LRRC4B: variants seen among roughly 807,000 people sequenced by gnomAD.
LRRC4B encodes leucine rich repeat containing 4B, also known as leucine-rich repeat-containing protein 4B.
A neutral mutation model predicts 7.3 loss-of-function variants in LRRC4B; 1 was observed. That is an observed-to-expected ratio of 0.14 (90% CI 0.05 to 0.65). The LOEUF is 0.65. Ranked by LOEUF, LRRC4B falls within the 30% of genes least tolerant of loss-of-function variation. LRRC4B has a pLI of 0.84. For synonymous variants in LRRC4B, 500 were observed against 499.2 expected (o/e 1.00, Z -0.02); for missense variants, 730 against 1,041.6 (o/e 0.70, Z 4.12).
Position 50,517,801 on chromosome 19 carries a change from C to A in LRRC4B, c.1912G>T (p.Val638Leu). ...CCGCCCACACCACCCCCACTGGCCA[C>A]GGCGGCCGCGGCGGCCACGGACACG... is the stretch of plus-strand genomic sequence containing the variant. ...SAVSVAAAAA[V>L]ASGGGVGGDS... The change falls in exon 3 of 3, where the codon GTG (valine) becomes TTG (leucine). Residue 638 changes from valine to leucine, a missense_variant. Transcript: ENST00000652263. This position sits in a 1 kb window ranked among gnomAD's most constrained non-coding sequence, Gnocchi z 6.6. 1 of 1,536,768 alleles carries A rather than the reference C, an allele frequency of 6.5e-7. No homozygotes were observed.
rs1260505819 is a variant in LRRC4B at position 50,516,909 on chromosome 19, AT to A, written c.*661del. On this transcript the variant is annotated 3_prime_UTR_variant, in exon 3 of 3. Coordinates refer to ENST00000652263, the MANE Select transcript of LRRC4B (RefSeq NM_001080457.2). ...CTCCGTGCTTTCATGACCAAAAAAA[AT>A]ATTTTTTTACTTTTTCCATGTTTTT... is the stretch of plus-strand genomic sequence containing the variant. 2.6e-5 allele frequency: 4 copies of A among 151,816 alleles called. No individual in the cohort carries two copies. Among genetic ancestry groups the A allele is most frequent in the African/African-American group, 4.8e-5 (2 of 41,330 alleles). 9.4% of individuals were successfully genotyped at this position (151,816 alleles called of 1,614,324 possible).
At position 50,518,031 on chromosome 19, in the gene LRRC4B, G is replaced by A. The variant is rs1980369641; in HGVS notation, c.1682C>T (p.Thr561Met). ...KAFTVPITDV[T>M]ENALKDLDDV... ...GTCCAGGTCCTTGAGGGCGTTCTCC[G>A]TCACATCCGTGATGGGCACCGTGAA... The change falls in exon 3 of 3, where the codon ACG becomes ATG. Residue 561 changes from threonine to methionine, a missense_variant. By Grantham distance (81) the Thr-to-Met change is moderately conservative (BLOSUM62 -1). Around this residue, in one of 6 missense-constraint regions of LRRC4B, gnomAD observed 192 missense variants for 228.6 expected, o/e 0.84. Coordinates refer to ENST00000652263, the MANE Select transcript of LRRC4B (RefSeq NM_001080457.2). 1 of 1,556,820 alleles carries A rather than the reference G, an allele frequency of 6.4e-7. No homozygotes were observed. The highest frequency in any genetic ancestry group is 1.2e-5 in the South Asian group (1 of 82,372).
chr19:50,523,470 G>A (rs574621445), intron 2 of LRRC4B, among the ~76,000 whole-genome samples: 1 of 143,428 alleles, frequency 7.0e-6, no homozygotes, highest in African/African-American at 2.6e-5. Context: ...TTGAGGTTGG[G>A]AGTTTGAGAC....
intron 2 of LRRC4B, among the ~76,000 whole-genome samples, chr19:50,522,499 T>C (rs1363104334): frequency 1.3e-5 from 2 of 151,102 alleles, no homozygotes; most frequent in Non-Finnish European, 3.0e-5. Context: ...TATTTTGAGA[T>C]GGAGTCTCGC....
chr19:50,531,942 G>A (rs114954238), intron 2 of LRRC4B, among the ~76,000 whole-genome samples: 1,803 of 152,006 alleles, frequency 0.012, 28 homozygotes, highest in African/African-American at 0.04. Context: ...ACTGGTCCTG[G>A]CCAGCCACAG....
intron 2 of LRRC4B, among the ~76,000 whole-genome samples, chr19:50,531,876 A>C (rs1296732061): frequency 6.6e-6 from 1 of 152,198 alleles, no homozygotes; most frequent in Non-Finnish European, 1.5e-5. Flanking sequence ...GGACATGGCG[A>C]GCATGCAGTA....
chr19:50,521,708 G>A (rs896767022), intron 2 of LRRC4B, among the ~76,000 whole-genome samples: 1 of 151,980 alleles, frequency 6.6e-6, no homozygotes. Context: ...TTACAGGCGT[G>A]AGCCACCGTG....
chr19:50,526,855 A>C (rs374162316), intron 2 of LRRC4B, among the ~76,000 whole-genome samples: 1 of 144,964 alleles, frequency 6.9e-6, no homozygotes, highest in African/African-American at 2.5e-5. Context: ...ATTATCTTTT[A>C]CTTTTTTTTT....
Position 50,553,389 on chromosome 19 carries a change from C to A in LRRC4B, c.-35-4516G>T, listed in dbSNP as rs1368883287. Reference sequence around the variant, plus strand: ...CAGGTCTCCACTCTCCACCCCAGCTCCTCCTCTGACCTCATCGCTTCCCTC... The same window carrying A: ...CAGGTCTCCACTCTCCACCCCAGCTACTCCTCTGACCTCATCGCTTCCCTC... On this transcript the variant is annotated intron_variant, in intron 1 of 2. Coordinates refer to ENST00000652263, the MANE Select transcript of LRRC4B (RefSeq NM_001080457.2). The surrounding 1 kb of genome is among the most constrained non-coding windows in gnomAD (Gnocchi z 4.2). 6.6e-6 allele frequency among the ~76,000 whole-genome samples: 1 copy of A among 152,230 alleles called. No individual in the cohort carries two copies. Among genetic ancestry groups the A allele is most frequent in the Admixed American group, 6.5e-5 (1 of 15,282 alleles).
rs745661306 is a variant in LRRC4B at position 50,548,731 on chromosome 19, G to T, written c.108C>A (p.Ala36=). The T allele has an allele frequency of 6.5e-7, 1 of 1,539,800 alleles. No homozygotes were observed. Among genetic ancestry groups the T allele is most frequent in the East Asian group, 2.4e-5 (1 of 41,318 alleles). Residue 36 remains alanine (A), a synonymous_variant, in exon 2 of 3, where the codon GCC becomes GCA. Coordinates refer to ENST00000652263, the MANE Select transcript of LRRC4B (RefSeq NM_001080457.2). This position sits in a 1 kb window ranked among gnomAD's most constrained non-coding sequence, Gnocchi z 6.8. ...ACGTCACGGCCACTCCACCTCCACCGGCCCCCAGGGGTGGGGAGAAGAGCC... is the reference window on the plus strand; with the variant it reads ...ACGTCACGGCCACTCCACCTCCACCTGCCCCCAGGGGTGGGGAGAAGAGCC... The part of the protein sequence containing the change: ...FLWLFSPPLG[A]GGGGVAVTSA...
chr19:50,568,236 T>C lies in LRRC4B; in HGVS notation c.-328A>G, dbSNP rs1351573422. ...CCCGCCGCCCGCCTTCCTTCTTGCC[T>C]TCCTTTCTTTCCTTCTTTCTTTCCT... On this transcript the variant is annotated 5_prime_UTR_variant, in exon 1 of 3. Coordinates refer to ENST00000652263, the MANE Select transcript of LRRC4B (RefSeq NM_001080457.2). Among the ~76,000 whole-genome samples, 1 of 151,562 alleles carries C rather than the reference T, an allele frequency of 6.6e-6. No individual in the cohort carries two copies. The highest frequency in any genetic ancestry group is 2.4e-5 in the African/African-American group (1 of 41,298).
chr19:50,548,681 G>T lies in LRRC4B; in HGVS notation c.158C>A (p.Pro53Gln). ...GCAGGCCACGGGGCAGGAGGTGGCC[G>T]GCGGGGAGCCCCCTCCGGCGGCAGA... ...VTSAAGGGSP[P>Q]ATSCPVACSC... Residue 53 changes from proline to glutamine, a missense_variant, in exon 2 of 3, where the codon CCG (proline) becomes CAG (glutamine). Around this residue, in one of 6 missense-constraint regions of LRRC4B, gnomAD observed 143 missense variants for 158.4 expected, o/e 0.90. Coordinates refer to ENST00000652263, the MANE Select transcript of LRRC4B (RefSeq NM_001080457.2). This position sits in a 1 kb window ranked among gnomAD's most constrained non-coding sequence, Gnocchi z 6.8. 6.4e-7 allele frequency: 1 copy of T among 1,553,490 alleles called. No homozygotes were observed.
intron 1 of LRRC4B, among the ~76,000 whole-genome samples, chr19:50,566,331 C>A (rs2122938945): frequency 6.7e-6 from 1 of 149,506 alleles, no homozygotes; most frequent in East Asian, 2.1e-4. Context: ...AGCAATGGGG[C>A]GCTGCGGAGG....
chr19:50,552,899 G>A (rs534756249), intron 1 of LRRC4B, among the ~76,000 whole-genome samples: 3 of 152,218 alleles, frequency 2.0e-5, no homozygotes, highest in Non-Finnish European at 4.4e-5. Flanking sequence ...CGAGAGTGGG[G>A]CACATTGGTG....
Position 50,520,229 on chromosome 19 carries a change from AAAAAAAAAAAAAAAAAAAGAAG to A in LRRC4B, c.298-836_298-815del, listed in dbSNP as rs1980506708. The stretch of plus-strand genomic sequence containing the variant: ...AAAAAAAAAAAAAAAAAAAAAAAAA[AAAAAAAAAAAAAAAAAAAGAAG>A]AAAAGAAAAGAAAAATGAACAAACA... On this transcript the variant is annotated intron_variant, in intron 2 of 2. Coordinates refer to ENST00000652263, the MANE Select transcript of LRRC4B (RefSeq NM_001080457.2). 1.7e-4 allele frequency among the ~76,000 whole-genome samples: 12 copies of A among 70,460 alleles called. 3 individuals are homozygous for A. Among genetic ancestry groups the A allele is most frequent in the Admixed American group, 3.5e-4 (2 of 5,680 alleles). The allele number at this position is 70,460 out of a possible 152,430, so 46.2% of individuals were successfully genotyped here. A position where few individuals can be genotyped will look rare whatever the true frequency, so the allele number is the denominator to read the frequency against.
chr19:50,563,487 C>A lies in LRRC4B; in HGVS notation c.-36+4457G>T, dbSNP rs2122933862. Among the ~76,000 whole-genome samples the A allele has an allele frequency of 6.6e-6, 1 of 152,310 alleles. No homozygotes were observed. Among genetic ancestry groups the A allele is most frequent in the East Asian group, 1.9e-4 (1 of 5,176 alleles). ...GGGATGCTGCTGGGCTTGAGCGCTG[C>A]CAGGCACAGAGGGGAGCCCTGTCCT... is the stretch of plus-strand genomic sequence containing the variant. On this transcript the variant is annotated intron_variant, in intron 1 of 2. Coordinates refer to ENST00000652263, the MANE Select transcript of LRRC4B (RefSeq NM_001080457.2). This position sits in a 1 kb window ranked among gnomAD's most constrained non-coding sequence, Gnocchi z 4.9.
intron 2 of LRRC4B, among the ~76,000 whole-genome samples, chr19:50,542,921 G>A (rs879464891): frequency 2.0e-5 from 3 of 152,164 alleles, no homozygotes; most frequent in South Asian, 2.1e-4. Flanking sequence ...CCGTCACCCC[G>A]TGGACTTAGA....
In LRRC4B at chr19:50,518,225, C is replaced by T. The variant is rs1338688092; in HGVS notation, c.1488G>A (p.Glu496=). The T allele has an allele frequency of 3.7e-6, 6 of 1,608,590 alleles. No homozygotes were observed. In the African/African-American group the frequency reaches 8.0e-5, roughly 21 times the overall value. Residue 496 remains glutamate (E), a synonymous_variant, in exon 3 of 3, where the codon GAG becomes GAA. Transcript: ENST00000652263. ...GCAGGGCCTCCTCTCCGGGCTGCGT[C>T]TCCAGGGTCTCCACGGTCACCGTGG... ...YFTTVTVETL[E]TQPGEEALQP...
intron 1 of LRRC4B, among the ~76,000 whole-genome samples, chr19:50,552,971 C>G (rs902360773): frequency 2.6e-5 from 4 of 152,318 alleles, no homozygotes; most frequent in African/African-American, 4.8e-5. Flanking sequence ...AACCTCGGGC[C>G]GGTGGCTTAT....
Sources: gnomAD v4.1 joint callset for allele counts (sites outside exome capture counted in the v4.1 genomes callset) on GRCh38, gnomAD v4.1.1 for gene constraint, gnomAD v4.1.1 regional missense constraint, Gnocchi (gnomAD v3.1) non-coding constraint, MANE v1.5 for transcripts, NCBI Gene and HGNC (gene_info 2026-07-23, HGNC 2026-07-21) for gene names.